Variants in STRA6 observed in about 807,000 individuals in gnomAD.
STRA6 encodes receptor for retinol uptake STRA6.
Under a neutral mutation model 83.6 loss-of-function variants are expected in STRA6, and 48 were observed. The observed-to-expected ratio is 0.57, with a 90% CI of 0.46 to 0.73. STRA6 has a LOEUF of 0.73. Among genes scored for constraint, STRA6 ranks in the 30% least tolerant of loss-of-function variants. STRA6 has a pLI of 0.00. For missense variants in STRA6, 760 were observed against 838.8 expected, an observed-to-expected ratio of 0.91 and a Z score of 1.16; for synonymous variants, 353 against 362.3, an observed-to-expected ratio of 0.97 and a Z score of 0.29.
At chr15:74,181,532 T>C in intron 16 of STRA6, 74 bp from the exon 17 acceptor site, 2 of 1,561,678 alleles carry the variant, frequency 1.3e-6, no homozygotes, top group African/African-American at 1.4e-5. Context: ...CAGACCTGGA[T>C]GCCCAGAACT....
At chr15:74,193,971 G>C (rs371894961) in intron 7 of STRA6, 49 bp from the exon 8 acceptor site, 3 of 1,605,190 alleles carry the variant, frequency 1.9e-6, no homozygotes, top group Admixed American at 3.3e-5. Flanking sequence ...TCTTCCCCCA[G>C]CCAAGAACCA....
exon 1 of STRA6, chr15:74,208,932 C>T (rs2074323221): frequency 3.0e-6 from 3 of 996,086 alleles, no homozygotes; most frequent in Non-Finnish European, 3.6e-6. Context: ...GAGCCCAGCA[C>T]CAGCTGGGCT....
At position 74,195,911 on chromosome 15, in the gene STRA6, T is replaced by C. The variant is rs34147822; in HGVS notation, c.406+97A>G. On this transcript the variant is annotated intron_variant, in intron 5 of 18. Coordinates refer to ENST00000395105, the MANE Select transcript of STRA6 (RefSeq NM_022369.4). ...AGCCCATCTCATTGACAGCTGTTCC[T>C]GTTACTCTCATCTCCTTGAGCCAAG... is the stretch of plus-strand genomic sequence containing the variant. 0.18 allele frequency: 284,161 copies of C among 1,543,162 alleles called. 30,074 individuals are homozygous for C. Among genetic ancestry groups the C allele is most frequent in the Non-Finnish European group, 0.21 (242,611 of 1,134,322 alleles).
At position 74,208,096 on chromosome 15, in the gene STRA6, T is replaced by G. The variant is rs553889293; in HGVS notation, c.-16+704A>C. On this transcript the variant is annotated intron_variant, in intron 1 of 18. Transcript: ENST00000323940. ...GCTGTTCTGGTATGAGGGTGGACAC[T>G]GGTGAGGAGGAGGAGGGTAGCCGGC... 4.2e-6 allele frequency: 5 copies of G among 1,176,916 alleles called. No homozygotes were observed. In the African/African-American group the frequency reaches 6.3e-5, roughly 15 times the overall value. The allele number at this position is 1,176,916 out of a possible 1,614,324, so 72.9% of individuals were successfully genotyped here.
At chr15:74,208,755 C>T in intron 1 of STRA6, 1 of 988,794 alleles carries the variant, frequency 1.0e-6, no homozygotes, top group Non-Finnish European at 1.2e-6. Context: ...TGTTCCCCGA[C>T]CTGTTCCAAT....
chr15:74,189,854 G>C (rs2073446658), intron 11 of STRA6, among the ~76,000 whole-genome samples: 1 of 151,990 alleles, frequency 6.6e-6, no homozygotes, highest in South Asian at 2.1e-4. Context: ...AGTAGAGACA[G>C]GGTTTCACTA....
chr15:74,208,310 C>G (rs2074308764), intron 1 of STRA6, among the ~76,000 whole-genome samples: 1 of 152,120 alleles, frequency 6.6e-6, no homozygotes, highest in Non-Finnish European at 1.5e-5. Context: ...CTTCGGAGGA[C>G]TAGACACAAG....
chr15:74,207,559 A>T, upstream of STRA6: 1 of 803,350 alleles, frequency 1.2e-6, no homozygotes, highest in South Asian at 1.7e-5. Context: ...CTCCCATCTC[A>T]GCCCTTGACT....
chr15:74,187,144 T>TGA (rs1199691796), intron 12 of STRA6, among the ~76,000 whole-genome samples: 4 of 152,214 alleles, frequency 2.6e-5, no homozygotes, highest in African/African-American at 7.2e-5. Flanking sequence ...CCTGGCCTGG[T>TGA]GAGTGTACAG....
chr15:74,189,805 A>G (rs1486583820), intron 11 of STRA6, among the ~76,000 whole-genome samples: 1 of 152,080 alleles, frequency 6.6e-6, no homozygotes, highest in Middle Eastern at 3.4e-3. Flanking sequence ...CTGGGACTAC[A>G]GGCCCGCGCC....
At chr15:74,183,657 G>A (rs937881846) in intron 14 of STRA6, 199 bp downstream of exon 14, 2 of 1,487,788 alleles carry the variant, frequency 1.3e-6, no homozygotes, top group South Asian at 2.7e-5. Flanking sequence ...AATTTCCCGA[G>A]GGCTCCTGTA....
Position 74,195,309 on chromosome 15 carries a change from A to G in STRA6, c.590T>C (p.Val197Ala). The G allele has an allele frequency of 2.5e-6, 4 of 1,612,480 alleles. No homozygotes were observed. The highest frequency in any genetic ancestry group is 3.4e-6 in the Non-Finnish European group (4 of 1,179,874). ...QVWQRAECPQ[V>A]PKIYKYYSLL... Reference sequence around the variant, plus strand: ...ATTGTGATCAGCGGTTACCTTGGGCACCTGGGGACACTCTGCCCTCTGCCA... The same window carrying G: ...ATTGTGATCAGCGGTTACCTTGGGCGCCTGGGGACACTCTGCCCTCTGCCA... The change falls in exon 7 of 19, where the codon GTG becomes GCG. Residue 197 changes from valine (V) to alanine (A), a missense_variant. Coordinates refer to ENST00000395105, the MANE Select transcript of STRA6 (RefSeq NM_022369.4).
upstream of STRA6, among the ~76,000 whole-genome samples, chr15:74,210,306 T>C (rs1450035877): frequency 6.6e-6 from 1 of 152,218 alleles, no homozygotes; most frequent in Non-Finnish European, 1.5e-5. Flanking sequence ...CATCCATCAA[T>C]GCTGATAAGT....
At chr15:74,208,411 T>G (rs2074311002) in intron 1 of STRA6, among the ~76,000 whole-genome samples, 1 of 152,128 alleles carries the variant, frequency 6.6e-6, no homozygotes, top group South Asian at 2.1e-4. Context: ...GGCCTTGAGA[T>G]GTAGGCTTTG....
chr15:74,184,359 G>GA (rs796167059), intron 13 of STRA6, among the ~76,000 whole-genome samples: 45 of 152,308 alleles, frequency 3.0e-4, no homozygotes, highest in African/African-American at 9.4e-4. Context: ...GTGACCTGTG[G>GA]AAAAAGATCC....
chr15:74,207,311 C>A (rs1235693627), upstream of STRA6, among the ~76,000 whole-genome samples: 1 of 152,254 alleles, frequency 6.6e-6, no homozygotes, highest in East Asian at 1.9e-4. Context: ...TCCCAGAGAA[C>A]CTCCAGAATC....
At chr15:74,190,772 C>T in intron 11 of STRA6, 68 bp downstream of exon 11, 1 of 1,611,112 alleles carries the variant, frequency 6.2e-7, no homozygotes, top group Admixed American at 1.7e-5. Flanking sequence ...TGGGCCGGAA[C>T]TGCTCCAGGC....
intron 5 of STRA6, 82 bp from the exon 6 acceptor site, chr15:74,195,757 C>A: frequency 2.2e-6 from 2 of 902,572 alleles, no homozygotes; most frequent in Middle Eastern, 2.2e-4. Flanking sequence ...GGTGCCTGAG[C>A]AAATACTCAA....
At chr15:74,202,583 C>A in intron 1 of STRA6, 130 bp downstream of exon 1, 1 of 1,468,254 alleles carries the variant, frequency 6.8e-7, no homozygotes, top group South Asian at 1.4e-5. Flanking sequence ...GCGCATCTGT[C>A]TGACCAACCA....
Sources: allele counts gnomAD v4.1 joint callset (sites outside exome capture counted in the v4.1 genomes callset), GRCh38; gene constraint gnomAD v4.1.1; transcripts MANE v1.5; gene names NCBI Gene and HGNC (gene_info 2026-07-23, HGNC 2026-07-21).